Variants in XPR1 observed in about 807,000 individuals in gnomAD.
XPR1 encodes xenotropic and polytropic retrovirus receptor 1, also known as solute carrier family 53 member 1.
XPR1 carries 28 observed loss-of-function variants against 87.5 expected under a neutral mutation model. That is an observed-to-expected ratio of 0.32 (90% CI 0.24 to 0.44). XPR1 has a LOEUF of 0.44. Among genes scored for constraint, XPR1 ranks in the 20% least tolerant of loss-of-function variants. The probability of loss-of-function intolerance (pLI) is 1.00; values close to 1 mark genes in which losing one functional copy is unlikely to be tolerated. For synonymous variants in XPR1, 300 were observed against 306.1 expected (o/e 0.98, Z 0.21); for missense variants, 559 against 862.3 (o/e 0.65, Z 4.41).
At chr1:180,685,595 G>A (rs1378417035) in intron 2 of XPR1, among the ~76,000 whole-genome samples, 3 of 152,044 alleles carry the variant, frequency 2.0e-5, no homozygotes, top group East Asian at 1.9e-4. Context: ...GGTAGAATTC[G>A]GCTGTGAATC....
chr1:180,885,142 G>C lies in XPR1; in HGVS notation c.*1076G>C, dbSNP rs1652973603. ...AATCAGAAGACAGAGCTATTTCAGA[G>C]GCTCTGTGTGCCCTCACTAGATAGT... On this transcript the variant is annotated 3_prime_UTR_variant, in exon 15 of 15. Coordinates refer to ENST00000367590, the MANE Select transcript of XPR1 (RefSeq NM_004736.4). The C allele has an allele frequency of 1.3e-5, 2 of 152,652 alleles. No individual in the cohort carries two copies. Among genetic ancestry groups the C allele is most frequent in the African/African-American group, 4.8e-5 (2 of 41,528 alleles). The allele number at this position is 152,652 out of a possible 1,614,324, so 9.5% of individuals were successfully genotyped here. A position where few individuals can be genotyped will look rare whatever the true frequency, so the allele number is the denominator to read the frequency against.
At chr1:180,879,521 C>T (rs576863538) in intron 13 of XPR1, among the ~76,000 whole-genome samples, 30 of 152,280 alleles carry the variant, frequency 2.0e-4, no homozygotes, top group South Asian at 1.2e-3. Context: ...TTTATACTTG[C>T]CATTTTCCTC....
chr1:180,721,004 G>C (rs1053496614), intron 2 of XPR1, among the ~76,000 whole-genome samples: 1 of 152,140 alleles, frequency 6.6e-6, no homozygotes, highest in Non-Finnish European at 1.5e-5. Context: ...GGAGGCTGAA[G>C]CAGGCAGATC....
At chr1:180,650,118 GTTTTATACTTAAAAAAAAA>G (rs1381606096) in intron 1 of XPR1, among the ~76,000 whole-genome samples, 1 of 151,788 alleles carries the variant, frequency 6.6e-6, no homozygotes, top group Admixed American at 6.6e-5. Context: ...TATTCTTAGA[GTTTTATACTTAAAAAAAAA>G]TTCCTCGATT....
intron 1 of XPR1, among the ~76,000 whole-genome samples, chr1:180,652,774 G>A (rs1022306391): frequency 6.6e-6 from 1 of 152,188 alleles, no homozygotes; most frequent in African/African-American, 2.4e-5. Context: ...TGAATTAACT[G>A]TTACTGGATA....
Position 180,795,323 on chromosome 1 carries a change from G to A in XPR1, c.223+7469G>A, listed in dbSNP as rs191185883. Among the ~76,000 whole-genome samples the A allele has an allele frequency of 6.6e-4, 100 of 152,226 alleles. 1 individual carries two copies. Among genetic ancestry groups the A allele is most frequent in the Non-Finnish European group, 4.0e-4 (27 of 67,986 alleles). On this transcript the variant is annotated intron_variant, in intron 3 of 14. Transcript: ENST00000367590. Reference sequence around the variant, plus strand: ...TAACCCTTATTCTAGCTCTTTGAGGGATACATAGGTGCTTTGAAAATTCTT... The same window carrying A: ...TAACCCTTATTCTAGCTCTTTGAGGAATACATAGGTGCTTTGAAAATTCTT...
chr1:180,837,907 C>G (rs886805140), intron 11 of XPR1, among the ~76,000 whole-genome samples: 6 of 152,030 alleles, frequency 3.9e-5, no homozygotes, highest in South Asian at 2.1e-4. Flanking sequence ...TATAAAGAAC[C>G]CTTTACTTTT....
At chr1:180,824,145 A>G (rs1054784684) in intron 7 of XPR1, among the ~76,000 whole-genome samples, 15 of 152,224 alleles carry the variant, frequency 9.9e-5, no homozygotes, top group East Asian at 3.9e-4. Context: ...CCACTTCACC[A>G]TGATTCTTTG....
intron 2 of XPR1, among the ~76,000 whole-genome samples, chr1:180,776,534 G>A (rs1343472757): frequency 6.6e-6 from 1 of 151,458 alleles, no homozygotes; most frequent in East Asian, 1.9e-4. Flanking sequence ...ATGATTGCAG[G>A]GTACCAGAAA....
At chr1:180,677,689 C>T (rs1446621186) in intron 1 of XPR1, among the ~76,000 whole-genome samples, 2 of 152,178 alleles carry the variant, frequency 1.3e-5, no homozygotes, top group Non-Finnish European at 2.9e-5. Flanking sequence ...GTTAGTACTA[C>T]AAAGACAGTC....
chr1:180,666,072 A>G (rs114059411), intron 1 of XPR1, among the ~76,000 whole-genome samples: 2,396 of 152,232 alleles, frequency 0.016, 74 homozygotes, highest in African/African-American at 0.055. Context: ...TGTTTTCTCC[A>G]TTGGGTGATC....
At chr1:180,811,345 A>G in intron 6 of XPR1, 62 bp from the exon 7 acceptor site, 1 of 1,285,958 alleles carries the variant, frequency 7.8e-7, no homozygotes, top group Middle Eastern at 1.8e-4. Context: ...ATTTTATTAC[A>G]GCATATAGTA....
chr1:180,842,347 G>A (rs548572930), intron 11 of XPR1, among the ~76,000 whole-genome samples: 6 of 152,284 alleles, frequency 3.9e-5, no homozygotes, highest in African/African-American at 1.4e-4. Context: ...AGAGTAAACC[G>A]TGTGTCTAGA....
chr1:180,674,410 C>T (rs1285575575), intron 1 of XPR1, among the ~76,000 whole-genome samples: 1 of 152,108 alleles, frequency 6.6e-6, no homozygotes, highest in Non-Finnish European at 1.5e-5. Flanking sequence ...AGGCGCCTGC[C>T]CCCACGCCTG....
At chr1:180,640,850 G>A (rs1220814186) in intron 1 of XPR1, among the ~76,000 whole-genome samples, 2 of 152,144 alleles carry the variant, frequency 1.3e-5, no homozygotes, top group Admixed American at 6.5e-5. Flanking sequence ...TACAGTTTTG[G>A]TGTTTGGCTT....
chr1:180,755,336 G>A (rs1455604926), intron 2 of XPR1, among the ~76,000 whole-genome samples: 1 of 152,178 alleles, frequency 6.6e-6, no homozygotes, highest in Non-Finnish European at 1.5e-5. Flanking sequence ...TAAGAAGCAG[G>A]TGAAATACAA....
Position 180,677,563 on chromosome 1 carries a change from C to T in XPR1, c.70-4797C>T, listed in dbSNP as rs375604015. ...GACAGGGTCTGCAAAGTATCTCAGG[C>T]ACTGATCTTAGTTTTATAATAGCGA... On this transcript the variant is annotated intron_variant, in intron 1 of 14. Transcript: ENST00000367590. Among the ~76,000 whole-genome samples the T allele has an allele frequency of 2.3e-4, 35 of 152,222 alleles. No homozygotes were observed. The South Asian group carries it at 6.9e-3, about 30-fold the overall frequency.
intron 1 of XPR1, among the ~76,000 whole-genome samples, chr1:180,671,132 G>T (rs1278502445): frequency 6.6e-6 from 1 of 152,158 alleles, no homozygotes; most frequent in East Asian, 1.9e-4. Context: ...TGAAAGATAA[G>T]CCTAGAAAGG....
At chr1:180,649,360 G>A (rs1655221289) in intron 1 of XPR1, among the ~76,000 whole-genome samples, 1 of 152,154 alleles carries the variant, frequency 6.6e-6, no homozygotes. Flanking sequence ...TGAACCCGGA[G>A]GCGGAGCTTG....
Sources: allele counts gnomAD v4.1 joint callset (sites outside exome capture counted in the v4.1 genomes callset), GRCh38; gene constraint gnomAD v4.1.1; transcripts MANE v1.5; gene names NCBI Gene and HGNC (gene_info 2026-07-23, HGNC 2026-07-21).